CALD1: variants seen among roughly 807,000 people sequenced by gnomAD.
CALD1 encodes caldesmon.
CALD1 carries 33 observed loss-of-function variants against 99.9 expected under a neutral mutation model. The ratio of observed to expected loss-of-function variants is 0.33; its 90% CI spans 0.25 to 0.44. The LOEUF (loss-of-function observed/expected upper bound fraction) is 0.44, where lower values mean the gene tolerates loss of function less well. CALD1 is among the 20% of genes least tolerant of loss of function. CALD1 has a pLI of 1.00. For missense variants in CALD1, 861 were observed against 962.1 expected, an observed-to-expected ratio of 0.89 and a Z score of 1.39; for synonymous variants, 310 against 325.0, an observed-to-expected ratio of 0.95 and a Z score of 0.50.
At position 134,933,165 on chromosome 7, in the gene CALD1, C is replaced by G. The variant is rs1375478378; in HGVS notation, c.396C>G (p.Leu132=). The change falls in exon 5 of 15, where the codon CTC becomes CTG. Residue 132 remains leucine (L), a synonymous_variant. Transcript: ENST00000361675. ...CAATAACAGATGCAAGTCTGTCGCT[C>G]CCAAGCAGAAGAATGCAAAATGACA... is the stretch of plus-strand genomic sequence containing the variant. The part of the protein sequence containing the change: ...DPTITDASLS[L]PSRRMQNDTA... 6.2e-7 allele frequency: 1 copy of G among 1,612,668 alleles called. No individual in the cohort carries two copies. The highest frequency in any genetic ancestry group is 2.2e-5 in the East Asian group (1 of 44,828).
chr7:134,720,184 CTTTTT>C, the CALD1 span, among the ~76,000 whole-genome samples: 2 of 139,924 alleles, frequency 1.4e-5, no homozygotes, highest in South Asian at 2.3e-4. Flanking sequence ...TAGCCCTCCT[CTTTTT>C]TTTTTTTTTT....
intron 5 of CALD1, among the ~76,000 whole-genome samples, chr7:134,935,272 GA>G (rs1194933105): frequency 6.6e-6 from 1 of 151,908 alleles, no homozygotes; most frequent in Non-Finnish European, 1.5e-5. Flanking sequence ...CCTAAAAAAA[GA>G]AAAAAAGAGA....
chr7:134,944,576 G>C (rs1182758435), intron 7 of CALD1: 1 of 151,822 alleles, frequency 6.6e-6, no homozygotes, highest in Non-Finnish European at 1.5e-5. Context: ...TATTTCTTGA[G>C]CCCATTTCTT....
chr7:134,784,847 C>A (rs1797246149), intron 1 of CALD1, among the ~76,000 whole-genome samples: 1 of 152,158 alleles, frequency 6.6e-6, no homozygotes, highest in Non-Finnish European at 1.5e-5. Context: ...TGACTCAGCT[C>A]AGCGCACGTG....
upstream of CALD1, among the ~76,000 whole-genome samples, chr7:134,777,241 C>T (rs1216855059): frequency 6.6e-6 from 1 of 151,970 alleles, no homozygotes. Flanking sequence ...TCATGGTACA[C>T]ACTACATGAA....
intron 3 of CALD1, among the ~76,000 whole-genome samples, chr7:134,923,167 G>T (rs543303089): frequency 1.3e-5 from 2 of 152,286 alleles, no homozygotes; most frequent in South Asian, 2.1e-4. Flanking sequence ...CTGCAGAAAG[G>T]TACCTTTCTC....
At chr7:134,741,425 G>A (rs2131532677), upstream of CALD1, among the ~76,000 whole-genome samples, 1 of 152,192 alleles carries the variant, frequency 6.6e-6, no homozygotes, top group Admixed American at 6.5e-5. Context: ...TGGGGATTAT[G>A]GGACTACAGT....
At chr7:134,888,549 C>T (rs1156551381) in intron 3 of CALD1, among the ~76,000 whole-genome samples, 2 of 152,226 alleles carry the variant, frequency 1.3e-5, no homozygotes, top group South Asian at 4.1e-4. Context: ...AAGCACTTGC[C>T]TAGCCCAGCC....
At chr7:134,737,650 G>A in the CALD1 span, among the ~76,000 whole-genome samples, 2 of 152,126 alleles carry the variant, frequency 1.3e-5, no homozygotes, top group African/African-American at 2.4e-5. Context: ...GGTAGTGCTC[G>A]TGAATTCTAA....
intron 1 of CALD1, among the ~76,000 whole-genome samples, chr7:134,842,576 A>G (rs1180812291): frequency 3.3e-5 from 5 of 152,190 alleles, no homozygotes; most frequent in Admixed American, 6.5e-5. Flanking sequence ...CTTGTTAGTT[A>G]TTTACAATTA....
intron 3 of CALD1, among the ~76,000 whole-genome samples, chr7:134,915,893 C>G (rs1356999146): frequency 9.9e-5 from 15 of 152,130 alleles, no homozygotes; most frequent in Non-Finnish European, 1.5e-5. Context: ...CTGTGTTAAG[C>G]AAGGTTTCCA....
chr7:134,828,646 T>C (rs549805581), intron 1 of CALD1, among the ~76,000 whole-genome samples: 21 of 152,306 alleles, frequency 1.4e-4, no homozygotes, highest in East Asian at 1.3e-3. Context: ...AAATGGGGGA[T>C]GATATACTAC....
chr7:134,858,658 C>A (rs1800425273), intron 2 of CALD1, among the ~76,000 whole-genome samples: 1 of 152,060 alleles, frequency 6.6e-6, no homozygotes, highest in South Asian at 2.1e-4. Context: ...CAACCTCCAC[C>A]TCCCAGGTTC....
intron 2 of CALD1, among the ~76,000 whole-genome samples, chr7:134,865,765 T>C (rs1337157783): frequency 2.6e-5 from 4 of 152,174 alleles, no homozygotes; most frequent in Non-Finnish European, 5.9e-5. Context: ...CTTGGAGATA[T>C]TCATTTCACT....
chr7:134,737,308 T>C, the CALD1 span, among the ~76,000 whole-genome samples: 1 of 151,316 alleles, frequency 6.6e-6, no homozygotes, highest in Non-Finnish European at 1.5e-5. Flanking sequence ...TAATTTTTTT[T>C]TGTAGAGGCG....
rs1008946581 is a variant in CALD1, at chr7:134,779,662, C to A, written c.-217C>A. The A allele has an allele frequency of 1.5e-5, 6 of 398,636 alleles. No individual in the cohort carries two copies. Among genetic ancestry groups the A allele is most frequent in the African/African-American group, 4.1e-5 (2 of 48,624 alleles). The allele number at this position is 398,636 out of a possible 1,614,324, so 24.7% of individuals were successfully genotyped here. A position where few individuals can be genotyped will look rare whatever the true frequency, so the allele number is the denominator to read the frequency against. ...GTGTATTCGGCTGCCTGCCTGCCCG[C>A]CTGCTTGCTCTCTGGCTGTGCTCCT... On this transcript the variant is annotated 5_prime_UTR_variant, in exon 1 of 15. Transcript: ENST00000361675.
chr7:134,833,419 A>G (rs1799309788), intron 1 of CALD1, among the ~76,000 whole-genome samples: 1 of 152,182 alleles, frequency 6.6e-6, no homozygotes, highest in African/African-American at 2.4e-5. Context: ...CTTGGGTTTA[A>G]GTTTGTGGCC....
chr7:134,748,841 G>A (rs1004024488), intron 1 of CALD1, among the ~76,000 whole-genome samples: 6 of 152,070 alleles, frequency 3.9e-5, no homozygotes, highest in Non-Finnish European at 5.9e-5. Flanking sequence ...TCAAGGTGAC[G>A]GTATTATGAG....
At chr7:134,851,126 T>C (rs994048887) in intron 2 of CALD1, among the ~76,000 whole-genome samples, 3 of 152,200 alleles carry the variant, frequency 2.0e-5, no homozygotes, top group Non-Finnish European at 4.4e-5. Flanking sequence ...TTTTTTCAAA[T>C]TTTGAGTCTG....
Sources: gnomAD v4.1 joint callset for allele counts (sites outside exome capture counted in the v4.1 genomes callset) on GRCh38, gnomAD v4.1.1 for gene constraint, MANE v1.5 for transcripts, NCBI Gene and HGNC (gene_info 2026-07-23, HGNC 2026-07-21) for gene names.